DCC: variants seen among roughly 807,000 people sequenced by gnomAD.
The protein encoded by DCC is DCC netrin 1 receptor.
DCC carries 58 observed loss-of-function variants against 172.5 expected under a neutral mutation model. The ratio of observed to expected loss-of-function variants is 0.34; its 90% CI spans 0.27 to 0.42. The LOEUF is 0.42. Among genes scored for constraint, DCC ranks in the 10% least tolerant of loss-of-function variants. The probability of loss-of-function intolerance (pLI) is 1.00; values close to 1 mark genes in which losing one functional copy is unlikely to be tolerated. For missense variants in DCC, 1,740 were observed against 1,791.0 expected, an observed-to-expected ratio of 0.97 and a Z score of 0.51; for synonymous variants, 709 against 644.5, an observed-to-expected ratio of 1.10 and a Z score of -1.52.
intron 27 of DCC, among the ~76,000 whole-genome samples, chr18:53,510,975 C>T (rs1008918624): frequency 2.0e-5 from 3 of 152,170 alleles, no homozygotes; most frequent in African/African-American, 7.2e-5. Context: ...TAAGAAAGAA[C>T]ATATAATTTA....
At chr18:53,300,727 T>G (rs958361761) in intron 12 of DCC, among the ~76,000 whole-genome samples, 1 of 152,186 alleles carries the variant, frequency 6.6e-6, no homozygotes, top group African/African-American at 2.4e-5. Context: ...TGAGGGCAGC[T>G]ATACAGAAAA....
chr18:52,684,507 GA>G (rs774442596), intron 1 of DCC, among the ~76,000 whole-genome samples: 20 of 151,888 alleles, frequency 1.3e-4, no homozygotes, highest in Non-Finnish European at 2.6e-4. Flanking sequence ...TTTGTGTGGT[GA>G]TCGTACACTC....
chr18:53,081,751 T>C (rs1441037188), intron 7 of DCC, among the ~76,000 whole-genome samples: 5 of 152,060 alleles, frequency 3.3e-5, no homozygotes, highest in Non-Finnish European at 1.5e-5. Context: ...GTAATTGTAA[T>C]TGGTGATGGA....
chr18:53,001,673 T>C (rs113439254), intron 5 of DCC, among the ~76,000 whole-genome samples: 1,862 of 152,238 alleles, frequency 0.012, 28 homozygotes, highest in African/African-American at 0.041. Flanking sequence ...ACACGTGTTT[T>C]TGTTTTCTTT....
intron 7 of DCC, among the ~76,000 whole-genome samples, chr18:53,143,081 A>T (rs914122898): frequency 1.3e-5 from 2 of 152,166 alleles, no homozygotes; most frequent in Admixed American, 1.3e-4. Context: ...ATCACTGAGG[A>T]TAATAACTTT....
At chr18:53,219,201 T>G (rs1420398025) in intron 12 of DCC, among the ~76,000 whole-genome samples, 2 of 152,188 alleles carry the variant, frequency 1.3e-5, no homozygotes, top group Non-Finnish European at 2.9e-5. Flanking sequence ...GCCACTTTAA[T>G]CTGTTGAACC....
intron 2 of DCC, among the ~76,000 whole-genome samples, chr18:52,789,083 A>G (rs191936404): frequency 6.6e-6 from 1 of 152,118 alleles, no homozygotes; most frequent in African/African-American, 2.4e-5. Flanking sequence ...GACATCCCTT[A>G]AAGTATGTTT....
intron 12 of DCC, among the ~76,000 whole-genome samples, chr18:53,260,712 C>G (rs1172675946): frequency 1.3e-5 from 2 of 152,094 alleles, no homozygotes; most frequent in Admixed American, 6.5e-5. Flanking sequence ...CTGGGAGAAC[C>G]ACTACTCTCT....
chr18:52,819,909 A>G (rs1196169466), intron 2 of DCC, among the ~76,000 whole-genome samples: 2 of 151,616 alleles, frequency 1.3e-5, no homozygotes, highest in Non-Finnish European at 1.5e-5. Flanking sequence ...TTTAGTAGAG[A>G]TGGGGTTTCA....
chr18:52,633,037 A>C (rs561726503), intron 1 of DCC, among the ~76,000 whole-genome samples: 12 of 152,342 alleles, frequency 7.9e-5, no homozygotes, highest in South Asian at 4.1e-4. Context: ...ATAAATAAAT[A>C]AATCAATGAA....
intron 19 of DCC, among the ~76,000 whole-genome samples, chr18:53,405,230 C>T (rs1909586396): frequency 6.6e-6 from 1 of 150,760 alleles, no homozygotes; most frequent in Non-Finnish European, 1.5e-5. Flanking sequence ...CTCAGTGCGA[C>T]CAGGTAGATG....
In DCC at chr18:53,397,387, C is replaced by T; in HGVS notation, c.2768C>T (p.Thr923Ile). The T allele has an allele frequency of 5.0e-6, 8 of 1,613,810 alleles. No individual in the cohort carries two copies. Among genetic ancestry groups the T allele is most frequent in the Non-Finnish European group, 6.8e-6 (8 of 1,179,898 alleles). The change falls in exon 18 of 29, where the codon ACA (threonine) becomes ATA (isoleucine). Residue 923 changes from threonine to isoleucine, a missense_variant. Thr to Ile is a moderately conservative substitution (Grantham distance 89). Around this residue, in one of 2 missense-constraint regions of DCC, gnomAD observed 1,732 missense variants for 1,767.4 expected, o/e 0.98. Transcript: ENST00000442544. ...ATGTATGAATTCTCGGTCATGGTAA[C>T]AAAAAACAGAAGGTCCAGTACTTGG... ...NTMYEFSVMV[T>I]KNRRSSTWSM... is the part of the protein sequence containing the mutation.
At chr18:52,767,477 G>A (rs371101186) in intron 2 of DCC, among the ~76,000 whole-genome samples, 1 of 151,938 alleles carries the variant, frequency 6.6e-6, no homozygotes, top group East Asian at 1.9e-4. Context: ...AAAATAATGG[G>A]GTCAAGAGAC....
intron 1 of DCC, among the ~76,000 whole-genome samples, chr18:52,428,426 A>C (rs951907515): frequency 1.3e-5 from 2 of 152,144 alleles, no homozygotes; most frequent in African/African-American, 4.8e-5. Context: ...GTCCTAATTA[A>C]GAGGATACAA....
intron 1 of DCC, among the ~76,000 whole-genome samples, chr18:52,731,957 A>C (rs2036649152): frequency 6.6e-6 from 1 of 152,144 alleles, no homozygotes; most frequent in African/African-American, 2.4e-5. Flanking sequence ...TAGGAGTGGA[A>C]TTACTAGAGC....
chr18:53,404,313 C>T (rs1032219851), intron 19 of DCC, among the ~76,000 whole-genome samples: 7 of 151,928 alleles, frequency 4.6e-5, no homozygotes, highest in African/African-American at 1.7e-4. Context: ...TTTGAATTCT[C>T]CACTCTTATT....
chr18:52,832,276 C>A (rs185925320), intron 2 of DCC, among the ~76,000 whole-genome samples: 1 of 152,182 alleles, frequency 6.6e-6, no homozygotes, highest in African/African-American at 2.4e-5. Context: ...CTTAGTGAGG[C>A]CTTCCAAGGG....
chr18:53,274,793 G>C (rs1212559233), intron 12 of DCC, among the ~76,000 whole-genome samples: 1 of 152,012 alleles, frequency 6.6e-6, no homozygotes, highest in Non-Finnish European at 1.5e-5. Context: ...TGGTCTCTTG[G>C]CCAGAAGCAT....
At chr18:53,033,313 T>C (rs2042049336) in intron 5 of DCC, among the ~76,000 whole-genome samples, 1 of 152,060 alleles carries the variant, frequency 6.6e-6, no homozygotes, top group Admixed American at 6.6e-5. Flanking sequence ...TTATGTTGAT[T>C]CCCAGCTTCA....
Sources: gnomAD v4.1 joint callset for allele counts (sites outside exome capture counted in the v4.1 genomes callset) on GRCh38, gnomAD v4.1.1 for gene constraint, gnomAD v4.1.1 regional missense constraint, MANE v1.5 for transcripts, NCBI Gene and HGNC (gene_info 2026-07-23, HGNC 2026-07-21) for gene names.